Variants in NPAS3 observed in about 807,000 individuals in gnomAD.
The protein encoded by NPAS3 is neuronal PAS domain-containing protein 3.
Under a neutral mutation model 73.1 loss-of-function variants are expected in NPAS3, and 14 were observed. The observed-to-expected ratio is 0.19, with a 90% confidence interval of 0.13 to 0.30. The LOEUF is 0.30. Among genes scored for constraint, NPAS3 ranks in the 10% least tolerant of loss-of-function variants. NPAS3 has a pLI of 1.00. For synonymous variants in NPAS3, 620 were observed against 541.5 expected (o/e 1.14, Z -2.01); for missense variants, 1,096 against 1,250.0 (o/e 0.88, Z 1.86).
At chr14:33,311,892 A>G (rs2043018177) in intron 3 of NPAS3, among the ~76,000 whole-genome samples, 1 of 152,132 alleles carries the variant, frequency 6.6e-6, no homozygotes, top group African/African-American at 2.4e-5. Flanking sequence ...AAGAGAGGAA[A>G]GGAAGGGTAT....
At chr14:33,395,542 G>A (rs1026096822) in intron 4 of NPAS3, among the ~76,000 whole-genome samples, 23 of 151,500 alleles carry the variant, frequency 1.5e-4, no homozygotes, top group Admixed American at 5.3e-4. Flanking sequence ...ATATGTGCAC[G>A]TATACATACA....
chr14:33,002,387 A>G (rs2038839980), intron 1 of NPAS3, among the ~76,000 whole-genome samples: 2 of 152,198 alleles, frequency 1.3e-5, no homozygotes, highest in South Asian at 4.1e-4. Context: ...TCAAGAGGCA[A>G]TTGGGAGCCA....
intron 2 of NPAS3, among the ~76,000 whole-genome samples, chr14:33,136,297 G>GATCC: frequency 6.6e-6 from 1 of 152,050 alleles, no homozygotes; most frequent in East Asian, 1.9e-4. Context: ...CTGACCTCGT[G>GATCC]ATCCGCCCAC....
chr14:33,579,188 G>A (rs891005117), intron 5 of NPAS3, among the ~76,000 whole-genome samples: 4 of 152,196 alleles, frequency 2.6e-5, no homozygotes, highest in Admixed American at 2.0e-4. Flanking sequence ...ATGGAGAGGC[G>A]AAGGTGTCTG....
chr14:33,223,909 A>G (rs2047527600), intron 3 of NPAS3, among the ~76,000 whole-genome samples: 1 of 152,086 alleles, frequency 6.6e-6, no homozygotes, highest in Admixed American at 6.6e-5. Context: ...AAGACAGGAG[A>G]GTAAGATAGC....
At chr14:33,621,776 A>G (rs536582291) in intron 5 of NPAS3, among the ~76,000 whole-genome samples, 2 of 152,308 alleles carry the variant, frequency 1.3e-5, no homozygotes, top group African/African-American at 4.8e-5. Flanking sequence ...ATGAAAGAAG[A>G]AAAAAACATA....
chr14:33,518,831 A>G (rs577808788), intron 4 of NPAS3, among the ~76,000 whole-genome samples: 401 of 152,170 alleles, frequency 2.6e-3, no homozygotes, highest in African/African-American at 9.3e-3. Flanking sequence ...ACAGTTGTCC[A>G]TGCACTCTAC....
intron 3 of NPAS3, among the ~76,000 whole-genome samples, chr14:33,221,435 G>T (rs1277935782): frequency 6.6e-6 from 1 of 152,150 alleles, no homozygotes; most frequent in Non-Finnish European, 1.5e-5. Flanking sequence ...TAGTACTTGT[G>T]TATTGTTTTT....
At chr14:33,656,216 A>G (rs796546552) in intron 5 of NPAS3, among the ~76,000 whole-genome samples, 1 of 152,234 alleles carries the variant, frequency 6.6e-6, no homozygotes, top group African/African-American at 2.4e-5. Flanking sequence ...ACAATTAAGT[A>G]CTGTGCTAAC....
intron 5 of NPAS3, among the ~76,000 whole-genome samples, chr14:33,623,524 A>G (rs1390286911): frequency 6.6e-6 from 1 of 152,178 alleles, no homozygotes; most frequent in Admixed American, 6.5e-5. Context: ...TTGCGTGTCT[A>G]CTGCAGCCAC....
chr14:33,139,870 T>A (rs551246613), intron 2 of NPAS3, among the ~76,000 whole-genome samples: 1 of 152,194 alleles, frequency 6.6e-6, no homozygotes, highest in East Asian at 1.9e-4. Context: ...GAATGTAGTC[T>A]CAGATTTCCA....
intron 10 of NPAS3, among the ~76,000 whole-genome samples, chr14:33,794,373 CA>C (rs1167826917): frequency 6.6e-6 from 1 of 152,186 alleles, no homozygotes; most frequent in East Asian, 1.9e-4. Context: ...CTGAAGCATT[CA>C]AAAAGCATCT....
chr14:33,298,087 G>A (rs952028879), intron 3 of NPAS3, among the ~76,000 whole-genome samples: 18 of 152,152 alleles, frequency 1.2e-4, no homozygotes, highest in Non-Finnish European at 2.2e-4. Context: ...TTCGAGACCA[G>A]CCTGGCCAAC....
chr14:33,014,858 C>G (rs2039336067), intron 1 of NPAS3, among the ~76,000 whole-genome samples: 1 of 152,202 alleles, frequency 6.6e-6, no homozygotes, highest in South Asian at 2.1e-4. Flanking sequence ...AGCTGCACAG[C>G]AGGTGAGGGA....
At chr14:33,507,991 A>G (rs2052853899) in intron 4 of NPAS3, among the ~76,000 whole-genome samples, 1 of 151,952 alleles carries the variant, frequency 6.6e-6, no homozygotes. Flanking sequence ...AGACGCTGAG[A>G]GGCTCAAGTT....
At chr14:33,757,871 G>A (rs2062164011) in intron 7 of NPAS3, among the ~76,000 whole-genome samples, 1 of 152,206 alleles carries the variant, frequency 6.6e-6, no homozygotes, top group African/African-American at 2.4e-5. Context: ...CTCATGTGGA[G>A]AGGCCATTCC....
chr14:33,612,442 G>A (rs1010418999), intron 5 of NPAS3: 9 of 455,854 alleles, frequency 2.0e-5, no homozygotes, highest in Non-Finnish European at 3.1e-5. Flanking sequence ...TCACATCGAC[G>A]TCCAAGCAGA....
intron 1 of NPAS3, 111 bp from the exon 2 acceptor site, chr14:33,055,794 C>CGGTGGTCG: frequency 1.5e-6 from 1 of 654,210 alleles, no homozygotes; most frequent in Non-Finnish European, 2.8e-6. Context: ...GTGTAGAGCT[C>CGGTGGTCG]AAAAGCGTAA....
intron 2 of NPAS3, among the ~76,000 whole-genome samples, chr14:33,201,149 T>C (rs530942554): frequency 6.6e-6 from 1 of 152,310 alleles, no homozygotes; most frequent in Non-Finnish European, 1.5e-5. Context: ...TGAAGGACCA[T>C]CCTGGGACAC....
Sources: allele counts gnomAD v4.1 joint callset (sites outside exome capture counted in the v4.1 genomes callset), GRCh38; gene constraint gnomAD v4.1.1; transcripts MANE v1.5; gene names NCBI Gene and HGNC (gene_info 2026-07-23, HGNC 2026-07-21).